The following CYLD variants were observed in gnomAD, a reference collection of about 807,000 sequenced individuals.
CYLD encodes the protein ubiquitin carboxyl-terminal hydrolase CYLD.
Under a neutral mutation model 104.5 loss-of-function variants are expected in CYLD, and 26 were observed. That is an observed-to-expected ratio of 0.25 (90% CI 0.18 to 0.35). CYLD has a LOEUF of 0.35. CYLD is among the 10% of genes least tolerant of loss of function. CYLD has a pLI of 1.00. For synonymous variants in CYLD, 385 were observed against 399.9 expected, an observed-to-expected ratio of 0.96 and a Z score of 0.45; for missense variants, 703 against 1,136.1, an observed-to-expected ratio of 0.62 and a Z score of 5.48.
At chr16:50,793,113 T>TACAC (rs1024974672) in intron 16 of CYLD, among the ~76,000 whole-genome samples, 5 of 134,224 alleles carry the variant, frequency 3.7e-5, no homozygotes, top group South Asian at 2.8e-4. Flanking sequence ...AAAGGAGCCA[T>TACAC]ATACACACAC....
At chr16:50,748,598 TAGAA>T (rs1371125230) in intron 2 of CYLD, among the ~76,000 whole-genome samples, 3 of 152,092 alleles carry the variant, frequency 2.0e-5, no homozygotes, top group Non-Finnish European at 2.9e-5. Flanking sequence ...AAAGAAATAA[TAGAA>T]AGAAATTATA....
intron 5 of CYLD, among the ~76,000 whole-genome samples, chr16:50,762,057 T>A (rs1235235849): frequency 6.6e-6 from 1 of 152,162 alleles, no homozygotes. Flanking sequence ...CAAGTGTAAT[T>A]GTGCTACACT....
At chr16:50,784,642 C>T in intron 12 of CYLD, 191 bp downstream of exon 12, 1 of 577,144 alleles carries the variant, frequency 1.7e-6, no homozygotes, top group South Asian at 2.0e-5. Flanking sequence ...TTAAATGTGG[C>T]CAAGGTGTAG....
chr16:50,784,727 T>C (rs1338537107), intron 12 of CYLD: 5 of 371,094 alleles, frequency 1.3e-5, no homozygotes, highest in African/African-American at 8.3e-5. Flanking sequence ...GCAGTATGTT[T>C]AGGAAAGCTA....
chr16:50,759,347 A>G (rs1967650178), intron 5 of CYLD, among the ~76,000 whole-genome samples: 2 of 152,234 alleles, frequency 1.3e-5, no homozygotes, highest in South Asian at 4.1e-4. Flanking sequence ...AGGTTAAGAA[A>G]CAGAACATTA....
In CYLD at chr16:50,779,664, G is replaced by A. The variant is rs1970020843; in HGVS notation, c.1139-1G>A. 1.9e-6 allele frequency: 3 copies of A among 1,613,330 alleles called. No homozygotes were observed. The highest frequency in any genetic ancestry group is 4.5e-5 in the East Asian group (2 of 44,874). On this transcript the variant is annotated splice_acceptor_variant, in intron 8 of 18. Coordinates refer to ENST00000427738, the MANE Select transcript of CYLD (RefSeq NM_001378743.1). LOFTEE classifies it high-confidence loss of function. ...TTCTGTAATTAGGAATAATTTTTTA[G>A]TTGCAGAAGACCCTGCAAAATCTCT...
At chr16:50,762,588 T>C (rs1968074063) in intron 5 of CYLD, among the ~76,000 whole-genome samples, 1 of 152,254 alleles carries the variant, frequency 6.6e-6, no homozygotes, top group South Asian at 2.1e-4. Flanking sequence ...TTGGGCTTCA[T>C]TGTAAGTTTA....
At chr16:50,770,213 C>T (rs369089636) in intron 5 of CYLD, among the ~76,000 whole-genome samples, 23 of 152,206 alleles carry the variant, frequency 1.5e-4, no homozygotes, top group Non-Finnish European at 2.1e-4. Context: ...CTTAAGAAAC[C>T]GCTAAACTGT....
intron 14 of CYLD, among the ~76,000 whole-genome samples, chr16:50,788,399 A>G (rs1238665660): frequency 2.0e-5 from 3 of 152,200 alleles, no homozygotes; most frequent in African/African-American, 7.2e-5. Flanking sequence ...AGTCTAAACA[A>G]TGGACCTTTT....
chr16:50,776,733 G>A (rs1012844080), intron 7 of CYLD, among the ~76,000 whole-genome samples: 1 of 152,280 alleles, frequency 6.6e-6, no homozygotes. Flanking sequence ...CAATATGTGT[G>A]GAGCTTACAG....
At chr16:50,782,497 A>G in intron 11 of CYLD, 31 bp downstream of exon 11, 1 of 1,611,150 alleles carries the variant, frequency 6.2e-7, no homozygotes, top group Non-Finnish European at 8.5e-7. Context: ...ATAGGTATAG[A>G]TAGTGCCATG....
chr16:50,784,226 G>C, intron 11 of CYLD, 103 bp from the exon 12 acceptor site: 3 of 1,274,968 alleles, frequency 2.4e-6, no homozygotes, highest in Non-Finnish European at 3.4e-6. Context: ...TATGTTATTT[G>C]TTCTCCAGAC....
intron 5 of CYLD, among the ~76,000 whole-genome samples, chr16:50,755,185 A>G (rs1288756915): frequency 6.9e-6 from 1 of 144,512 alleles, no homozygotes. Context: ...GTGTGTATAT[A>G]CACACGTGTA....
rs190892314 is a variant in CYLD, at chr16:50,793,378, A to G, written c.2351-168A>G. On this transcript the variant is annotated intron_variant, in intron 16 of 18. Transcript: ENST00000427738. ...TTGGTCCAAAAAAATGTTTTTAAAG[A>G]TATTTCAAATACTAACTGAGAGCTT... Among the ~76,000 whole-genome samples, 516 of 152,374 alleles carry G rather than the reference A, an allele frequency of 3.4e-3. 5 individuals carry two copies. The highest frequency in any genetic ancestry group is 0.012 in the African/African-American group (501 of 41,592).
At chr16:50,795,369 C>T (rs887147233) in intron 18 of CYLD, among the ~76,000 whole-genome samples, 1 of 152,144 alleles carries the variant, frequency 6.6e-6, no homozygotes, top group Non-Finnish European at 1.5e-5. Context: ...GATGCTTAAT[C>T]ATTATTTAAC....
At chr16:50,747,834 C>T (rs781097713) in intron 2 of CYLD, among the ~76,000 whole-genome samples, 8 of 152,220 alleles carry the variant, frequency 5.3e-5, no homozygotes, top group Admixed American at 4.6e-4. Context: ...TGCTTTTACC[C>T]TCACTGAGTG....
intron 1 of CYLD, chr16:50,742,433 G>C: frequency 5.3e-6 from 1 of 190,234 alleles, no homozygotes. Context: ...CCCATCCCCC[G>C]AGGCTTCCCG....
Position 50,801,670 on chromosome 16 carries a change from T to C in CYLD, c.*5162T>C, listed in dbSNP as rs796645311. 7 of 233,434 alleles carry C rather than the reference T, an allele frequency of 3.0e-5. No homozygotes were observed. Among genetic ancestry groups the C allele is most frequent in the African/African-American group, 1.5e-4 (7 of 45,454 alleles). 14.5% of individuals were successfully genotyped at this position (233,434 alleles called of 1,614,324 possible). On this transcript the variant is annotated 3_prime_UTR_variant, in exon 19 of 19. Coordinates refer to ENST00000427738, the MANE Select transcript of CYLD (RefSeq NM_001378743.1). ...CAGGGGAGTTGGGATTCTTAGTAGA[T>C]TGGTAGAAAGGGGCTCATTTTCTAC...
At chr16:50,787,355 T>TTA in intron 13 of CYLD, 1 of 281,942 alleles carries the variant, frequency 3.5e-6, no homozygotes, top group Non-Finnish European at 6.8e-6. Context: ...GGGAACAGTG[T>TTA]TATAATCTCT....
Sources: allele counts gnomAD v4.1 joint callset (sites outside exome capture counted in the v4.1 genomes callset), GRCh38; gene constraint gnomAD v4.1.1; transcripts MANE v1.5; gene names NCBI Gene and HGNC (gene_info 2026-07-23, HGNC 2026-07-21).